The following TBC1D32 variants were observed in gnomAD, a reference collection of about 807,000 sequenced individuals.
The protein encoded by TBC1D32 is TBC1 domain family member 32, also known as protein broad-minded.
Under a neutral mutation model 170.3 loss-of-function variants are expected in TBC1D32, and 151 were observed. The ratio of observed to expected loss-of-function variants is 0.89; its 90% CI spans 0.78 to 1.01. TBC1D32 has a LOEUF of 1.01. Among genes scored for constraint, TBC1D32 ranks in the 50% least tolerant of loss-of-function variants. The pLI, the probability that TBC1D32 is intolerant of heterozygous loss-of-function variation, is 0.00. For missense variants in TBC1D32, 1,464 were observed against 1,457.1 expected (o/e 1.00, Z -0.08); for synonymous variants, 498 against 488.0 (o/e 1.02, Z -0.27).
chr6:121,091,120 C>T, intron 30 of TBC1D32, 79 bp from the exon 31 acceptor site: 1 of 1,181,498 alleles, frequency 8.5e-7, no homozygotes, highest in South Asian at 1.5e-5. Flanking sequence ...TAACCAATAA[C>T]TCATACAAAA....
chr6:121,297,343 A>G (rs4461766), intron 10 of TBC1D32, among the ~76,000 whole-genome samples: 97,461 of 151,902 alleles, frequency 0.64, 36,734 homozygotes, highest in Non-Finnish European at 0.84. Context: ...AACCCCTAAG[A>G]CAGAAATTTT....
chr6:121,101,100 T>C (rs1023954746), intron 30 of TBC1D32, among the ~76,000 whole-genome samples: 1 of 151,958 alleles, frequency 6.6e-6, no homozygotes, highest in African/African-American at 2.4e-5. Context: ...AATTAATAGC[T>C]TACCAACCAA....
intron 31 of TBC1D32, among the ~76,000 whole-genome samples, chr6:121,081,834 C>G (rs1316935483): frequency 1.3e-5 from 2 of 152,028 alleles, no homozygotes; most frequent in African/African-American, 4.8e-5. Context: ...TAACCATTCA[C>G]AGCTTGCATA....
chr6:121,195,373 T>C (rs2128292448), intron 22 of TBC1D32, among the ~76,000 whole-genome samples: 1 of 152,336 alleles, frequency 6.6e-6, no homozygotes, highest in Non-Finnish European at 1.5e-5. Flanking sequence ...TACCATCTTC[T>C]GCAGATAACC....
At chr6:121,240,914 C>T (rs1428355395) in intron 19 of TBC1D32, among the ~76,000 whole-genome samples, 4 of 149,418 alleles carry the variant, frequency 2.7e-5, no homozygotes, top group African/African-American at 4.9e-5. Context: ...ACTAAATTTC[C>T]AATGTTTTAA....
At chr6:121,251,318 C>T (rs1283122094) in intron 17 of TBC1D32, among the ~76,000 whole-genome samples, 13 of 152,030 alleles carry the variant, frequency 8.6e-5, no homozygotes, top group Non-Finnish European at 1.5e-5. Flanking sequence ...TGCTACCTGA[C>T]TTCAAGCTAT....
At chr6:121,320,267 T>C (rs1366224220) in intron 2 of TBC1D32, among the ~76,000 whole-genome samples, 2 of 151,488 alleles carry the variant, frequency 1.3e-5, no homozygotes, top group Non-Finnish European at 2.9e-5. Flanking sequence ...TAAAATCTTT[T>C]ATCCATGGTT....
intron 15 of TBC1D32, among the ~76,000 whole-genome samples, chr6:121,257,798 G>C (rs1799242663): frequency 6.6e-6 from 1 of 151,806 alleles, no homozygotes; most frequent in South Asian, 2.1e-4. Flanking sequence ...TCCATCTTAA[G>C]CCAGTAGGAG....
chr6:121,302,571 T>C (rs1321387350), intron 9 of TBC1D32, among the ~76,000 whole-genome samples: 5 of 152,098 alleles, frequency 3.3e-5, no homozygotes, highest in African/African-American at 1.2e-4. Flanking sequence ...CAGATAAATA[T>C]AAAAGTATAT....
At chr6:121,294,922 T>C (rs886644476) in intron 10 of TBC1D32, among the ~76,000 whole-genome samples, 2 of 152,132 alleles carry the variant, frequency 1.3e-5, no homozygotes, top group South Asian at 2.1e-4. Context: ...GAAATAAATA[T>C]GTAATTTATA....
At chr6:121,126,540 G>T in intron 25 of TBC1D32, 79 bp from the exon 26 acceptor site, 1 of 1,004,588 alleles carries the variant, frequency 1.0e-6, no homozygotes, top group Non-Finnish European at 1.5e-6. Context: ...CACAGAACTA[G>T]TAGGTAAAAG....
intron 22 of TBC1D32, among the ~76,000 whole-genome samples, chr6:121,169,979 T>C (rs1786727910): frequency 6.6e-6 from 1 of 151,984 alleles, no homozygotes; most frequent in Non-Finnish European, 1.5e-5. Flanking sequence ...GAATAAAGAG[T>C]GCCTCTGCAA....
intron 22 of TBC1D32, 82 bp from the exon 23 acceptor site, chr6:121,161,138 G>GA (rs1785575420): frequency 8.7e-6 from 9 of 1,037,908 alleles, no homozygotes; most frequent in Non-Finnish European, 1.3e-5. Flanking sequence ...GGATTGTAAA[G>GA]AAAAAAGGCA....
intron 30 of TBC1D32, among the ~76,000 whole-genome samples, chr6:121,093,230 C>G (rs1777019106): frequency 6.6e-6 from 1 of 152,198 alleles, no homozygotes; most frequent in Admixed American, 6.5e-5. Context: ...GAGTACGTTA[C>G]TAAATCTCCA....
At chr6:121,264,710 A>T (rs1190399787) in intron 15 of TBC1D32, among the ~76,000 whole-genome samples, 3 of 152,218 alleles carry the variant, frequency 2.0e-5, no homozygotes, top group East Asian at 1.9e-4. Context: ...CAAAAAGCTT[A>T]TCCACCATGA....
chr6:121,277,200 A>G (rs1376146986), intron 15 of TBC1D32, among the ~76,000 whole-genome samples: 41 of 152,176 alleles, frequency 2.7e-4, no homozygotes, highest in Admixed American at 2.7e-3. Flanking sequence ...ATCTGTAAAA[A>G]CACAAGGGTT....
At chr6:121,098,059 T>G (rs1385988275) in intron 30 of TBC1D32, among the ~76,000 whole-genome samples, 1 of 151,022 alleles carries the variant, frequency 6.6e-6, no homozygotes, top group Admixed American at 6.6e-5. Flanking sequence ...AGTGGGGGCC[T>G]AGGGGAGGGA....
chr6:121,278,292 T>G lies in TBC1D32; in HGVS notation c.1733+829A>C, dbSNP rs534780694. On this transcript the variant is annotated intron_variant, in intron 15 of 31. Coordinates refer to ENST00000398212, the MANE Select transcript of TBC1D32 (RefSeq NM_152730.6). Reference sequence around the variant, plus strand: ...AATAATACCAAAACCAGCCAAAGATTACATATTCTACAGACTGATATATCT... The same window carrying G: ...AATAATACCAAAACCAGCCAAAGATGACATATTCTACAGACTGATATATCT... 2.8e-4 allele frequency among the ~76,000 whole-genome samples: 43 copies of G among 152,196 alleles called. No individual in the cohort carries two copies. The South Asian group carries it at 8.7e-3, about 31-fold the overall frequency.
chr6:121,107,796 A>T (rs976076939), intron 29 of TBC1D32, among the ~76,000 whole-genome samples: 19 of 152,054 alleles, frequency 1.2e-4, no homozygotes, highest in African/African-American at 4.3e-4. Flanking sequence ...ATAGGAAATG[A>T]TTCATATGCA....
Sources: allele counts gnomAD v4.1 joint callset (sites outside exome capture counted in the v4.1 genomes callset), GRCh38; gene constraint gnomAD v4.1.1; transcripts MANE v1.5; gene names NCBI Gene and HGNC (gene_info 2026-07-23, HGNC 2026-07-21).